The following NOC3L variants were observed in gnomAD, a reference collection of about 807,000 sequenced individuals.
NOC3L encodes nucleolar complex protein 3 homolog.
Under a neutral mutation model 102.5 loss-of-function variants are expected in NOC3L, and 85 were observed. That is an observed-to-expected ratio of 0.83 (90% CI 0.70 to 0.99). The LOEUF is 0.99. NOC3L is among the 50% of genes least tolerant of loss of function. NOC3L has a pLI of 0.00. For missense variants in NOC3L, 878 were observed against 914.9 expected (o/e 0.96, Z 0.52); for synonymous variants, 303 against 309.4 (o/e 0.98, Z 0.22).
At position 94,352,347 on chromosome 10, in the gene NOC3L, G is replaced by C; in HGVS notation, c.915C>G (p.Tyr305Ter). Reference protein sequence around the residue: ...REFEEGLVSQYKFYLENLEQM... With the variant: ...REFEEGLVSQ ...GTTCCAGATTTTCCAAATAAAACTTGTATTGGCTAACCAGGCCTTCTTCAA... is the reference window on the plus strand; with the variant it reads ...GTTCCAGATTTTCCAAATAAAACTTCTATTGGCTAACCAGGCCTTCTTCAA... Residue 305 changes from tyrosine (Y) to a stop codon, truncating the protein, a stop_gained, in exon 8 of 21, where the codon TAC (tyrosine) becomes TAG (stop). Transcript: ENST00000371361. LOFTEE classifies it high-confidence loss of function. 6.2e-7 allele frequency: 1 copy of C among 1,613,642 alleles called. No homozygotes were observed. Among genetic ancestry groups the C allele is most frequent in the South Asian group, 1.1e-5 (1 of 91,026 alleles).
At chr10:94,352,288 T>G in intron 8 of NOC3L, 22 bp downstream of exon 8, 1 of 1,494,390 alleles carries the variant, frequency 6.7e-7, no homozygotes, top group Admixed American at 1.7e-5. Flanking sequence ...TGTTACAAAC[T>G]TTGAAGATAT....
chr10:94,327,991 TAA>T, the NOC3L span: 4 of 532,432 alleles, frequency 7.5e-6, no homozygotes, highest in South Asian at 2.8e-5. Context: ...AGCAAGAAGT[TAA>T]AGAGTGAACA....
At chr10:94,338,765 G>T (rs1252378172) in intron 17 of NOC3L, 29 bp from the exon 18 acceptor site, 2 of 1,599,494 alleles carry the variant, frequency 1.3e-6, no homozygotes, top group Non-Finnish European at 1.7e-6. Flanking sequence ...AAAAGAATTG[G>T]TTAAATTAAC....
downstream of NOC3L, chr10:94,331,755 T>G (rs567971426): frequency 6.6e-6 from 1 of 152,200 alleles, no homozygotes; most frequent in East Asian, 1.9e-4. Context: ...GCCATCCTTA[T>G]GTAGCAGCTT....
chr10:94,351,199 G>C (rs995518774), intron 8 of NOC3L, among the ~76,000 whole-genome samples: 2 of 152,060 alleles, frequency 1.3e-5, no homozygotes, highest in Admixed American at 1.3e-4. Flanking sequence ...GTGCCAGCTG[G>C]AACACCAGAA....
At chr10:94,356,895 C>G (rs1368614282) in intron 4 of NOC3L, among the ~76,000 whole-genome samples, 11 of 152,042 alleles carry the variant, frequency 7.2e-5, no homozygotes, top group African/African-American at 2.4e-4. Context: ...AAAAAGAAAG[C>G]TAATCAAGAA....
intron 17 of NOC3L, 100 bp downstream of exon 17, chr10:94,339,639 G>C: frequency 1.0e-6 from 1 of 957,004 alleles, no homozygotes; most frequent in Non-Finnish European, 1.5e-6. Flanking sequence ...AATTACTTCT[G>C]TAATTGAAAT....
the NOC3L span, chr10:94,324,365 A>T: frequency 6.2e-7 from 1 of 1,614,108 alleles, no homozygotes. Flanking sequence ...TGCAAAGCCA[A>T]ATATTCCTAC....
chr10:94,326,281 AT>A, the NOC3L span, among the ~76,000 whole-genome samples: 85 of 152,334 alleles, frequency 5.6e-4, no homozygotes, highest in Non-Finnish European at 1.1e-3. Context: ...GAAACTCACA[AT>A]TAAAGAACTC....
intron 19 of NOC3L, 73 bp downstream of exon 19, chr10:94,337,704 A>T (rs564816955): frequency 2.0e-6 from 2 of 993,240 alleles, no homozygotes; most frequent in East Asian, 2.5e-5. Context: ...TTACTTTATG[A>T]AACAGTCTTC....
At chr10:94,341,815 C>T in intron 13 of NOC3L, 70 bp from the exon 14 acceptor site, 2 of 843,736 alleles carry the variant, frequency 2.4e-6, no homozygotes, top group East Asian at 2.6e-5. Flanking sequence ...TTAAGCTTGA[C>T]TTTAAAACTG....
downstream of NOC3L, chr10:94,329,760 G>C: frequency 9.1e-6 from 1 of 109,368 alleles, no homozygotes; most frequent in Admixed American, 1.5e-4. Context: ...CCTGGTGACA[G>C]AGCGAGACTC....
At chr10:94,316,965 C>T in the NOC3L span, among the ~76,000 whole-genome samples, 1 of 152,164 alleles carries the variant, frequency 6.6e-6, no homozygotes, top group Non-Finnish European at 1.5e-5. Context: ...AAAAACATCC[C>T]TTAGACCGGG....
In NOC3L at chr10:94,355,102, G is replaced by C. The variant is rs549093757; in HGVS notation, c.566-9C>G. 1.3e-5 allele frequency: 21 copies of C among 1,602,692 alleles called. No homozygotes were observed. Among genetic ancestry groups the C allele is most frequent in the Middle Eastern group, 1.7e-4 (1 of 5,880 alleles). ...AGGATCTTCAATGATCTCTAAAACA[G>C]ATTAGATGTTCCCTTACATATTCCT... On this transcript the variant is annotated splice_polypyrimidine_tract_variant and intron_variant, in intron 5 of 20. Transcript: ENST00000371361.
intron 5 of NOC3L, 116 bp from the exon 6 acceptor site, chr10:94,355,209 A>C: frequency 2.5e-6 from 2 of 806,292 alleles, no homozygotes; most frequent in Non-Finnish European, 3.8e-6. Context: ...TTTTGTATTT[A>C]CTACTACACA....
chr10:94,344,447 A>T lies in NOC3L; in HGVS notation c.1539T>A (p.Pro513=). ...FRILKKAQRS[P]LLPAVLEGLA... is the part of the protein sequence containing the mutation. The stretch of plus-strand genomic sequence containing the variant: ...GACCTTCTAGAACTGCTGGCAGGAG[A>T]GGTGACCTCTGGGCCTTCTTCAATA... Residue 513 remains proline (P), a synonymous_variant, in exon 13 of 21, where the codon CCT becomes CCA. Transcript: ENST00000371361. 1 of 1,613,568 alleles carries T rather than the reference A, an allele frequency of 6.2e-7. No homozygotes were observed. Among genetic ancestry groups the T allele is most frequent in the Non-Finnish European group, 8.5e-7 (1 of 1,179,562 alleles).
chr10:94,354,852 A>G, intron 6 of NOC3L, 111 bp downstream of exon 6: 1 of 1,022,028 alleles, frequency 9.8e-7, no homozygotes, highest in Non-Finnish European at 1.4e-6. Flanking sequence ...TACTATGTTT[A>G]GTTAATGCTT....
chr10:94,336,226 C>T (rs2054216042), intron 19 of NOC3L, among the ~76,000 whole-genome samples: 1 of 152,148 alleles, frequency 6.6e-6, no homozygotes, highest in South Asian at 2.1e-4. Context: ...GGGGTTCCTC[C>T]CCTCCAGAAG....
intron 8 of NOC3L, 145 bp from the exon 9 acceptor site, chr10:94,350,433 G>A: frequency 1.5e-6 from 1 of 686,084 alleles, no homozygotes; most frequent in Non-Finnish European, 2.5e-6. Flanking sequence ...TTCATATGCT[G>A]GGCACAGTGG....
Sources: allele counts gnomAD v4.1 joint callset (sites outside exome capture counted in the v4.1 genomes callset), GRCh38; gene constraint gnomAD v4.1.1; transcripts MANE v1.5; gene names NCBI Gene and HGNC (gene_info 2026-07-23, HGNC 2026-07-21).